CCDC148: variants seen among roughly 807,000 people sequenced by gnomAD.
CCDC148 encodes the protein coiled-coil domain containing 148.
Under a neutral mutation model 85.7 loss-of-function variants are expected in CCDC148, and 89 were observed. That is an observed-to-expected ratio of 1.04 (90% CI 0.87 to 1.24). The LOEUF is 1.24. Ranked by LOEUF, CCDC148 falls within the 50% of genes most tolerant of loss-of-function variation. The pLI is 0.00. For missense variants in CCDC148, 692 were observed against 671.7 expected (o/e 1.03, Z -0.33); for synonymous variants, 230 against 213.9 (o/e 1.08, Z -0.66).
intron 1 of CCDC148, among the ~76,000 whole-genome samples, chr2:158,372,365 G>A (rs1167568111): frequency 6.6e-6 from 1 of 151,982 alleles, no homozygotes; most frequent in African/African-American, 2.4e-5. Context: ...TAAGTACTTA[G>A]TTATGAAGAA....
chr2:158,310,605 C>G (rs931176354), intron 8 of CCDC148, among the ~76,000 whole-genome samples: 1 of 150,898 alleles, frequency 6.6e-6, no homozygotes, highest in East Asian at 2.0e-4. Flanking sequence ...ACTTCTCAGA[C>G]GGGGCGGCCA....
intron 11 of CCDC148, among the ~76,000 whole-genome samples, chr2:158,218,393 TAG>T (rs1687000883): frequency 6.6e-6 from 1 of 152,234 alleles, no homozygotes; most frequent in Non-Finnish European, 1.5e-5. Flanking sequence ...GTACTCTTTT[TAG>T]TATCTTATAA....
intron 11 of CCDC148, among the ~76,000 whole-genome samples, chr2:158,203,924 C>T (rs1001558212): frequency 1.3e-5 from 2 of 152,138 alleles, no homozygotes; most frequent in Non-Finnish European, 2.9e-5. Flanking sequence ...AGATGGTACT[C>T]TTTCCTTTGT....
intron 11 of CCDC148, among the ~76,000 whole-genome samples, chr2:158,197,943 CAA>C (rs1685761963): frequency 6.6e-6 from 1 of 151,250 alleles, no homozygotes. Flanking sequence ...TCAATTAATT[CAA>C]AAAGTCAGAA....
Position 158,341,309 on chromosome 2 carries a change from A to ATTTT in CCDC148, c.252-633_252-630dup, listed in dbSNP as rs10552652. ...TATGTATACATATGTGTACATACATATTTTTTTTTTTTTTTTGGACTGAGT... is the reference window on the plus strand; with the variant it reads ...TATGTATACATATGTGTACATACATATTTTTTTTTTTTTTTTTTTTGGACTGAGT... On this transcript the variant is annotated intron_variant, in intron 3 of 13. Transcript: ENST00000283233. Among the ~76,000 whole-genome samples, 2 of 138,790 alleles carry ATTTT rather than the reference A, an allele frequency of 1.4e-5. 1 individual carries two copies. Among genetic ancestry groups the ATTTT allele is most frequent in the Non-Finnish European group, 3.2e-5 (2 of 63,266 alleles). The allele number at this position is 138,790 out of a possible 152,430, so 91.1% of individuals were successfully genotyped here.
At chr2:158,281,267 T>G (rs989315188) in intron 9 of CCDC148, among the ~76,000 whole-genome samples, 20 of 151,498 alleles carry the variant, frequency 1.3e-4, no homozygotes, top group Non-Finnish European at 2.4e-4. Context: ...AGGCAAGAAA[T>G]AACGAAAATC....
chr2:158,181,692 C>T (rs1684911045), intron 11 of CCDC148, among the ~76,000 whole-genome samples: 1 of 152,016 alleles, frequency 6.6e-6, no homozygotes, highest in South Asian at 2.1e-4. Context: ...CATTTGAAGG[C>T]CCAGAGGTGA....
intron 9 of CCDC148, among the ~76,000 whole-genome samples, chr2:158,299,904 C>CTT (rs1691363056): frequency 6.6e-6 from 1 of 152,122 alleles, no homozygotes; most frequent in African/African-American, 2.4e-5. Context: ...TATCTTCTCT[C>CTT]TCAACATTAT....
chr2:158,265,004 C>T lies in CCDC148; in HGVS notation c.1111-14092G>A, dbSNP rs373100117. ...ACATTCCTCCAGCTTCCCCAATCTT[C>T]GAATTACTTCTTCTGCATATGTTTC... On this transcript the variant is annotated intron_variant, in intron 9 of 13. Coordinates refer to ENST00000283233, the MANE Select transcript of CCDC148 (RefSeq NM_138803.4). Among the ~76,000 whole-genome samples the T allele has an allele frequency of 4.6e-5, 7 of 152,148 alleles. No individual in the cohort carries two copies. The South Asian group carries it at 8.3e-4, about 18-fold the overall frequency.
At chr2:158,242,640 T>TG (rs1371762585) in intron 10 of CCDC148, among the ~76,000 whole-genome samples, 1 of 151,048 alleles carries the variant, frequency 6.6e-6, no homozygotes, top group Non-Finnish European at 1.5e-5. Context: ...GTAGTTTTTT[T>TG]TTTTTTTTCT....
intron 9 of CCDC148, among the ~76,000 whole-genome samples, chr2:158,306,922 G>C (rs1408485810): frequency 5.9e-5 from 9 of 151,416 alleles, no homozygotes; most frequent in Non-Finnish European, 1.3e-4. Flanking sequence ...AGGAAGCTGA[G>C]GCAGGAGAAT....
intron 10 of CCDC148, among the ~76,000 whole-genome samples, chr2:158,224,112 A>G (rs570971107): frequency 2.0e-5 from 3 of 152,364 alleles, no homozygotes; most frequent in East Asian, 3.9e-4. Flanking sequence ...ACCAATGCAG[A>G]GAAGGCCTTA....
At chr2:158,355,890 C>A (rs1185030887) in intron 2 of CCDC148, among the ~76,000 whole-genome samples, 1 of 131,796 alleles carries the variant, frequency 7.6e-6, no homozygotes, top group African/African-American at 3.5e-5. Flanking sequence ...AGATATAGAT[C>A]AATGGAACAG....
At chr2:158,372,713 CA>C (rs1203525058) in intron 1 of CCDC148, among the ~76,000 whole-genome samples, 8 of 151,996 alleles carry the variant, frequency 5.3e-5, no homozygotes, top group African/African-American at 1.7e-4. Context: ...GCCCAGCTAC[CA>C]TCACACAATT....
intron 7 of CCDC148, among the ~76,000 whole-genome samples, chr2:158,332,706 T>C (rs930934749): frequency 2.6e-5 from 4 of 151,882 alleles, no homozygotes; most frequent in African/African-American, 9.7e-5. Flanking sequence ...GCCTCAATTT[T>C]AGAACTTGTT....
chr2:158,426,034 C>G (rs1687062360), intron 1 of CCDC148, among the ~76,000 whole-genome samples: 1 of 152,006 alleles, frequency 6.6e-6, no homozygotes, highest in Admixed American at 6.6e-5. Flanking sequence ...AAAAGCTTTA[C>G]ATGCAATTAT....
At chr2:158,240,490 A>ACACACC (rs1559010552) in intron 10 of CCDC148, among the ~76,000 whole-genome samples, 6 of 139,902 alleles carry the variant, frequency 4.3e-5, no homozygotes, top group Admixed American at 1.4e-4. Flanking sequence ...ACACACACAC[A>ACACACC]CCTCTTTAAA....
chr2:158,436,347 G>T (rs1236352762), intron 1 of CCDC148, among the ~76,000 whole-genome samples: 3 of 152,086 alleles, frequency 2.0e-5, no homozygotes, highest in Non-Finnish European at 4.4e-5. Flanking sequence ...ACAACTACAT[G>T]GAAACTGAAC....
intron 9 of CCDC148, among the ~76,000 whole-genome samples, chr2:158,260,027 T>C (rs934649808): frequency 1.3e-5 from 2 of 152,014 alleles, no homozygotes; most frequent in African/African-American, 4.8e-5. Context: ...TTATTTTCAG[T>C]TCACTTACAT....
Sources: allele counts gnomAD v4.1 joint callset (sites outside exome capture counted in the v4.1 genomes callset), GRCh38; gene constraint gnomAD v4.1.1; transcripts MANE v1.5; gene names NCBI Gene and HGNC (gene_info 2026-07-23, HGNC 2026-07-21).